The following CLSPN variants were observed in gnomAD, a reference collection of about 807,000 sequenced individuals.
The protein encoded by CLSPN is claspin.
CLSPN carries 85 observed loss-of-function variants against 156.3 expected under a neutral mutation model. The ratio of observed to expected loss-of-function variants is 0.54; its 90% CI spans 0.46 to 0.65. The LOEUF is 0.65. Ranked by LOEUF, CLSPN falls within the 30% of genes least tolerant of loss-of-function variation. The pLI, the probability that CLSPN is intolerant of heterozygous loss-of-function variation, is 0.00. For missense variants in CLSPN, 1,407 were observed against 1,554.9 expected (o/e 0.90, Z 1.60); for synonymous variants, 534 against 542.4 (o/e 0.98, Z 0.22).
intron 1 of CLSPN, among the ~76,000 whole-genome samples, chr1:35,768,354 C>T (rs950678858): frequency 2.1e-5 from 3 of 141,740 alleles, no homozygotes; most frequent in East Asian, 3.9e-4. Context: ...GGCAACAGAG[C>T]GAGACTCCGT....
rs116509354 is a variant in CLSPN at position 35,741,473 on chromosome 1, C to G, written c.3143+1668G>C. Among the ~76,000 whole-genome samples, 16 of 152,124 alleles carry G rather than the reference C, an allele frequency of 1.1e-4. No homozygotes were observed. In the East Asian group the frequency reaches 2.9e-3, roughly 28 times the overall value. On this transcript the variant is annotated intron_variant, in intron 18 of 24. Transcript: ENST00000318121. ...CTGGGATTACAGGCACTGGCCATCA[C>G]GCTTGGCTAATTTTGTATTTTTAGT...
intron 24 of CLSPN, among the ~76,000 whole-genome samples, chr1:35,721,397 G>GT (rs1053912019): frequency 5.9e-5 from 9 of 151,872 alleles, no homozygotes; most frequent in East Asian, 3.9e-4. Context: ...GTTTTGTTTT[G>GT]TTTTTTTCCC....
At chr1:35,744,800 T>C (rs1176308897) in intron 16 of CLSPN, among the ~76,000 whole-genome samples, 1 of 152,160 alleles carries the variant, frequency 6.6e-6, no homozygotes, top group Admixed American at 6.5e-5. Flanking sequence ...TGCTGGATCA[T>C]ATGGTCATTC....
rs1641427518 is a variant in CLSPN, at chr1:35,735,302, C to A, written c.*1194G>T. 1.0e-6 allele frequency: 1 copy of A among 985,238 alleles called. No individual in the cohort carries two copies. Among genetic ancestry groups the A allele is most frequent in the Non-Finnish European group, 1.2e-6 (1 of 829,938 alleles). 61.0% of individuals were successfully genotyped at this position (985,238 alleles called of 1,614,324 possible). A position where few individuals can be genotyped will look rare whatever the true frequency, so the allele number is the denominator to read the frequency against. The stretch of plus-strand genomic sequence containing the variant: ...ACCAGTTTAAGTCCTTATTAAGCAG[C>A]AAAAATTAATTCAAAATTTGATGCT... On this transcript the variant is annotated 3_prime_UTR_variant, in exon 25 of 25. Transcript: ENST00000318121.
rs1641473436 is a variant in CLSPN, at chr1:35,736,408, G to A, written c.*88C>T. ...TTGCATTGATTATGAAAGAAGGAAG[G>A]ATCATTGGCTGGAGTGTCAATTCCA... On this transcript the variant is annotated 3_prime_UTR_variant, in exon 25 of 25. Coordinates refer to ENST00000318121, the MANE Select transcript of CLSPN (RefSeq NM_022111.4). The A allele has an allele frequency of 6.8e-7, 1 of 1,472,574 alleles. No homozygotes were observed. Among genetic ancestry groups the A allele is most frequent in the East Asian group, 2.4e-5 (1 of 41,738 alleles). The allele number at this position is 1,472,574 out of a possible 1,614,324, so 91.2% of individuals were successfully genotyped here.
In CLSPN at chr1:35,746,233, C is replaced by G. The variant is rs891212076; in HGVS notation, c.2854+533G>C. On this transcript the variant is annotated intron_variant, in intron 15 of 24. Transcript: ENST00000318121. This position sits in a 1 kb window ranked among gnomAD's most constrained non-coding sequence, Gnocchi z 4.2. ...GTGCTGGGATTACAGGCGTGAGCCA[C>G]TGCGCCCGGCCTAAAGTAGTCTTAA... is the stretch of plus-strand genomic sequence containing the variant. Among the ~76,000 whole-genome samples, 1 of 152,200 alleles carries G rather than the reference C, an allele frequency of 6.6e-6. No homozygotes were observed. Among genetic ancestry groups the G allele is most frequent in the Non-Finnish European group, 1.5e-5 (1 of 68,044 alleles).
Position 35,762,477 on chromosome 1 carries a change from T to A in CLSPN, c.749A>T (p.Lys250Ile). Reference sequence around the variant, plus strand: ...GACCCCACTCTCCAAAGATGGTTCTTTTTTCTAAAAGAAATGGCAGGTTGA... The same window carrying A: ...GACCCCACTCTCCAAAGATGGTTCTATTTTCTAAAAGAAATGGCAGGTTGA... ...VKNKVKKHKK[K>I]EPSLESGVHS... Residue 250 changes from lysine to isoleucine, a missense_variant, in exon 5 of 25, where the codon AAA becomes ATA. Coordinates refer to ENST00000318121, the MANE Select transcript of CLSPN (RefSeq NM_022111.4). The A allele has an allele frequency of 6.2e-7, 1 of 1,613,660 alleles. No individual in the cohort carries two copies. The highest frequency in any genetic ancestry group is 8.5e-7 in the Non-Finnish European group (1 of 1,179,750).
At chr1:35,761,383 A>G in intron 6 of CLSPN, among the ~76,000 whole-genome samples, 179 bp from the exon 7 acceptor site, 1 of 152,220 alleles carries the variant, frequency 6.6e-6, no homozygotes, top group East Asian at 1.9e-4. Flanking sequence ...TTTTAAACCT[A>G]GATGTGAAAT....
In CLSPN at chr1:35,737,127, T is replaced by C. The variant is rs1290745052; in HGVS notation, c.3748-52A>G. 3 of 1,564,386 alleles carry C rather than the reference T, an allele frequency of 1.9e-6. No individual in the cohort carries two copies. In the Admixed American group the frequency reaches 5.2e-5, roughly 27 times the overall value. ...CAAATCCCAAGTGCCAACTAAAGAA[T>C]GAAAAGTCCTTCCCTCCCTGCTTCC... On this transcript the variant is annotated intron_variant, in intron 23 of 24. Transcript: ENST00000318121.
chr1:35,738,107 AAAAAAAATAT>A lies in CLSPN; in HGVS notation c.3559-20_3559-11del, dbSNP rs1557500942. ...TTTTCCCCTGCTGTGCCTGAAAAAA[AAAAAAAATAT>A]ATATATATATATATATATATATACA... On this transcript the variant is annotated splice_polypyrimidine_tract_variant and intron_variant, in intron 21 of 24. Transcript: ENST00000318121. 44 of 632,524 alleles carry A rather than the reference AAAAAAAATAT, an allele frequency of 7.0e-5. No individual in the cohort carries two copies. Among genetic ancestry groups the A allele is most frequent in the East Asian group, 1.5e-4 (4 of 26,818 alleles). The allele number at this position is 632,524 out of a possible 1,614,324, so 39.2% of individuals were successfully genotyped here.
At position 35,751,441 on chromosome 1, in the gene CLSPN, G is replaced by A. The variant is rs751657804; in HGVS notation, c.1837C>T (p.Arg613Cys). 32 of 1,613,842 alleles carry A rather than the reference G, an allele frequency of 2.0e-5. No individual in the cohort carries two copies. In the South Asian group the frequency reaches 2.4e-4, roughly 12 times the overall value. The change falls in exon 10 of 25, where the codon CGC becomes TGC. Residue 613 changes from arginine to cysteine, a missense_variant. Arg to Cys is a radical substitution (Grantham distance 180, BLOSUM62 -3). Transcript: ENST00000318121. ...EAMKLRRFEE[R>C]QKRQALFKLD... The stretch of plus-strand genomic sequence containing the variant: ...TTAAACAGTGCTTGGCGCTTCTGGC[G>A]CTCCTCAAACCTTCGGAGTTTCATT...
chr1:35,737,349 C>T lies in CLSPN; in HGVS notation c.3737G>A (p.Ser1246Asn), dbSNP rs757462389. 1.9e-6 allele frequency: 3 copies of T among 1,613,936 alleles called. No individual in the cohort carries two copies. In the Admixed American group the frequency reaches 5.0e-5, roughly 27 times the overall value. Reference protein sequence around the residue: ...RNPFEAIRPGSAQQVKTGSLL... With the variant: ...RNPFEAIRPGNAQQVKTGSLL... ...AGGTTCCCAACCAACCTGTTGAGCA[C>T]TTCCTGGTCTGATGGCTTCAAAAGG... Residue 1246 changes from serine to asparagine, a missense_variant, in exon 23 of 25, where the codon AGT (serine) becomes AAT (asparagine). By Grantham distance (46) the Ser-to-Asn change is conservative (BLOSUM62 1). Transcript: ENST00000318121.
chr1:35,753,967 T>A (rs1368561725), intron 8 of CLSPN, 31 bp from the exon 9 acceptor site: 15 of 1,606,212 alleles, frequency 9.3e-6, no homozygotes, highest in Non-Finnish European at 1.3e-5. Flanking sequence ...GTGTGTCAGT[T>A]TGCCATGCTC....
Position 35,769,971 on chromosome 1 carries a change from C to T in CLSPN, c.-101G>A. 6 of 1,430,128 alleles carry T rather than the reference C, an allele frequency of 4.2e-6. No homozygotes were observed. Among genetic ancestry groups the T allele is most frequent in the Non-Finnish European group, 4.8e-6 (5 of 1,035,430 alleles). The allele number at this position is 1,430,128 out of a possible 1,614,324, so 88.6% of individuals were successfully genotyped here. A position where few individuals can be genotyped will look rare whatever the true frequency, so the allele number is the denominator to read the frequency against. ...CCGTCTCCAGCCCAGCAGTGCTGTT[C>T]TTGCTTTCCCGCCCAGCCAGAGTGG... On this transcript the variant is annotated 5_prime_UTR_variant, in exon 1 of 25. Transcript: ENST00000318121.
At chr1:35,745,962 T>G (rs1395134826) in intron 15 of CLSPN, among the ~76,000 whole-genome samples, 1 of 152,238 alleles carries the variant, frequency 6.6e-6, no homozygotes, top group East Asian at 1.9e-4. Context: ...AAGACTTTTT[T>G]TTTGAGACAG....
intron 9 of CLSPN, among the ~76,000 whole-genome samples, chr1:35,753,150 T>C (rs1056908626): frequency 6.6e-6 from 1 of 152,200 alleles, no homozygotes; most frequent in Non-Finnish European, 1.5e-5. Flanking sequence ...TGGAGTGCAG[T>C]GCCACAATCA....
At chr1:35,758,801 C>T (rs1044441065) in intron 8 of CLSPN, among the ~76,000 whole-genome samples, 10 of 138,304 alleles carry the variant, frequency 7.2e-5, no homozygotes, top group Admixed American at 1.5e-4. Flanking sequence ...TTTTCTTTTT[C>T]TTTTTTTTTT....
chr1:35,764,962 T>G (rs1642620228), intron 2 of CLSPN, among the ~76,000 whole-genome samples: 1 of 152,196 alleles, frequency 6.6e-6, no homozygotes, highest in Admixed American at 6.5e-5. Context: ...TGTTCTAACC[T>G]CCGGCAGGTG....
intron 21 of CLSPN, 36 bp from the exon 22 acceptor site, chr1:35,738,133 T>G: frequency 5.2e-6 from 3 of 575,242 alleles, no homozygotes; most frequent in Non-Finnish European, 7.2e-6. Context: ...TATATATATA[T>G]ATATATACAG....
Sources: gnomAD v4.1 joint callset for allele counts (sites outside exome capture counted in the v4.1 genomes callset) on GRCh38, gnomAD v4.1.1 for gene constraint, Gnocchi (gnomAD v3.1) non-coding constraint, MANE v1.5 for transcripts, NCBI Gene and HGNC (gene_info 2026-07-23, HGNC 2026-07-21) for gene names.